Variants in DPP10 observed in about 807,000 individuals in gnomAD.
The protein encoded by DPP10 is dipeptidyl peptidase like 10.
Under a neutral mutation model 120.9 loss-of-function variants are expected in DPP10, and 33 were observed. That is an observed-to-expected ratio of 0.27 (90% CI 0.21 to 0.37). The LOEUF (loss-of-function observed/expected upper bound fraction) is 0.37, where lower values mean the gene tolerates loss of function less well. Among genes scored for constraint, DPP10 ranks in the 10% least tolerant of loss-of-function variants. The pLI is 1.00. For synonymous variants in DPP10, 337 were observed against 326.1 expected (o/e 1.03, Z -0.36); for missense variants, 816 against 942.8 (o/e 0.87, Z 1.76).
In DPP10 at chr2:114,759,765, G is replaced by A. The variant is rs1324138519; in HGVS notation, c.60+316927G>A. ...AAAATGAGAATTCCCAAGTATATGC[G>A]ATTAGACAGAGCCTGGAAAATTGCC... On this transcript the variant is annotated intron_variant, in intron 1 of 25. Transcript: ENST00000410059. Among the ~76,000 whole-genome samples the A allele has an allele frequency of 2.2e-5, 3 of 133,460 alleles. No homozygotes were observed. In the East Asian group the frequency reaches 8.0e-4, roughly 36 times the overall value. The allele number at this position is 133,460 out of a possible 152,430, so 87.6% of individuals were successfully genotyped here.
At chr2:115,245,996 A>C (rs1574148800) in intron 1 of DPP10, among the ~76,000 whole-genome samples, 1 of 152,104 alleles carries the variant, frequency 6.6e-6, no homozygotes, top group African/African-American at 2.4e-5. Context: ...GAGCTCCAAA[A>C]GTTGTGCTTA....
intron 1 of DPP10, among the ~76,000 whole-genome samples, chr2:115,001,326 A>G (rs529190197): frequency 1.3e-5 from 2 of 152,332 alleles, no homozygotes; most frequent in East Asian, 3.9e-4. Flanking sequence ...AGATGCAGAT[A>G]AGCCTTGATA....
At chr2:115,620,643 T>G (rs779452884) in intron 5 of DPP10, among the ~76,000 whole-genome samples, 15 of 152,212 alleles carry the variant, frequency 9.9e-5, no homozygotes, top group Non-Finnish European at 1.9e-4. Flanking sequence ...AAGCATGACT[T>G]TTTAGTATGT....
At chr2:114,463,133 C>T (rs1423933327) in intron 1 of DPP10, among the ~76,000 whole-genome samples, 3 of 152,016 alleles carry the variant, frequency 2.0e-5, no homozygotes, top group Non-Finnish European at 2.9e-5. Context: ...GCTTCTAGGC[C>T]CTCTCAGTGG....
chr2:114,448,873 G>T (rs1039728841), intron 1 of DPP10, among the ~76,000 whole-genome samples: 1 of 152,032 alleles, frequency 6.6e-6, no homozygotes, highest in African/African-American at 2.4e-5. Context: ...TATATTTGTT[G>T]GTTATTAATG....
intron 2 of DPP10, among the ~76,000 whole-genome samples, chr2:115,343,510 T>A (rs915735026): frequency 6.6e-6 from 1 of 152,148 alleles, no homozygotes; most frequent in Non-Finnish European, 1.5e-5. Flanking sequence ...TGGTAGAAAA[T>A]CTGCCTTTTT....
chr2:115,812,558 A>G (rs1169837121), intron 19 of DPP10, among the ~76,000 whole-genome samples: 1 of 152,216 alleles, frequency 6.6e-6, no homozygotes, highest in Non-Finnish European at 1.5e-5. Flanking sequence ...GGATATGGGT[A>G]GTAATAAATT....
intron 5 of DPP10, among the ~76,000 whole-genome samples, chr2:115,551,209 A>T (rs1010927422): frequency 6.6e-6 from 1 of 152,130 alleles, no homozygotes; most frequent in Admixed American, 6.6e-5. Context: ...GACATTTCAG[A>T]TTGTAATAAT....
chr2:114,449,071 C>T (rs555892835), intron 1 of DPP10, among the ~76,000 whole-genome samples: 1 of 152,218 alleles, frequency 6.6e-6, no homozygotes, highest in South Asian at 2.1e-4. Flanking sequence ...TTGGGGCCAT[C>T]TGGTAATCAA....
At chr2:115,478,003 A>G (rs2075198371) in intron 3 of DPP10, among the ~76,000 whole-genome samples, 1 of 152,080 alleles carries the variant, frequency 6.6e-6, no homozygotes, top group South Asian at 2.1e-4. Flanking sequence ...GGCAGGTGCC[A>G]CACTCTTTTA....
Position 115,777,813 on chromosome 2 carries a change from C to T in DPP10, c.1340C>T (p.Pro447Leu). Residue 447 changes from proline to leucine, a missense_variant, in exon 15 of 26, where the codon CCC becomes CTC. Around this residue, in one of 3 missense-constraint regions of DPP10, gnomAD observed 592 missense variants for 649.0 expected, o/e 0.91. Coordinates refer to ENST00000410059, the MANE Select transcript of DPP10 (RefSeq NM_020868.6). ...TACTTTCTGAGCACTGAATCTTCTC[C>T]CAGAGGAAGGCAGCTGTACAGGTAA... Reference protein sequence around the residue: ...KIYFLSTESSPRGRQLYSAST... With the variant: ...KIYFLSTESSLRGRQLYSAST... The T allele has an allele frequency of 1.2e-6, 2 of 1,613,202 alleles. No homozygotes were observed. Among genetic ancestry groups the T allele is most frequent in the Non-Finnish European group, 1.7e-6 (2 of 1,179,424 alleles).
intron 3 of DPP10, among the ~76,000 whole-genome samples, chr2:115,385,668 A>G (rs559365227): frequency 4.6e-5 from 7 of 152,190 alleles, no homozygotes; most frequent in African/African-American, 1.7e-4. Flanking sequence ...GTTTAATCAG[A>G]TTTCTATAGA....
intron 1 of DPP10, among the ~76,000 whole-genome samples, chr2:115,256,331 C>G (rs921217398): frequency 6.6e-6 from 1 of 152,214 alleles, no homozygotes; most frequent in African/African-American, 2.4e-5. Context: ...TTACCTCCCT[C>G]TGGGTCCTTT....
chr2:115,798,212 G>C (rs1024172442), intron 19 of DPP10, among the ~76,000 whole-genome samples: 2 of 151,836 alleles, frequency 1.3e-5, no homozygotes, highest in Non-Finnish European at 2.9e-5. Flanking sequence ...CTTAGTTTTA[G>C]ATGGTCATAT....
intron 3 of DPP10, among the ~76,000 whole-genome samples, chr2:115,404,705 A>T (rs1559552289): frequency 6.6e-6 from 1 of 152,184 alleles, no homozygotes; most frequent in Non-Finnish European, 1.5e-5. Flanking sequence ...ACATTTGATC[A>T]GCATCTGATG....
chr2:114,639,108 A>G (rs138692249), intron 1 of DPP10, among the ~76,000 whole-genome samples: 10 of 152,000 alleles, frequency 6.6e-5, no homozygotes, highest in African/African-American at 2.2e-4. Context: ...AAAGACATAC[A>G]TAAGACTGGG....
intron 7 of DPP10, among the ~76,000 whole-genome samples, chr2:115,717,393 A>T (rs930292851): frequency 5.9e-5 from 9 of 152,206 alleles, no homozygotes; most frequent in East Asian, 1.9e-4. Context: ...AAATAAATAA[A>T]AAATAAATAA....
At chr2:114,816,337 C>T (rs1685639131) in intron 1 of DPP10, among the ~76,000 whole-genome samples, 1 of 152,178 alleles carries the variant, frequency 6.6e-6, no homozygotes, top group Non-Finnish European at 1.5e-5. Flanking sequence ...GAAAAGCAGC[C>T]ATAGGCAATA....
intron 3 of DPP10, among the ~76,000 whole-genome samples, chr2:115,347,635 C>G (rs2063774760): frequency 6.6e-6 from 1 of 152,004 alleles, no homozygotes; most frequent in Non-Finnish European, 1.5e-5. Flanking sequence ...CTCCCCTAGT[C>G]CCCTACCCCC....
Sources: gnomAD v4.1 joint callset for allele counts (sites outside exome capture counted in the v4.1 genomes callset) on GRCh38, gnomAD v4.1.1 for gene constraint, gnomAD v4.1.1 regional missense constraint, MANE v1.5 for transcripts, NCBI Gene and HGNC (gene_info 2026-07-23, HGNC 2026-07-21) for gene names.